CCDC6: variants seen among roughly 807,000 people sequenced by gnomAD.
CCDC6 encodes coiled-coil domain-containing protein 6.
In CCDC6, 20 loss-of-function variants were observed where a neutral mutation model predicts 56.6. The ratio of observed to expected loss-of-function variants is 0.35; its 90% CI spans 0.25 to 0.51. The LOEUF is 0.51. Ranked by LOEUF, CCDC6 falls within the 20% of genes least tolerant of loss-of-function variation. The pLI, the probability that CCDC6 is intolerant of heterozygous loss-of-function variation, is 0.95. For missense variants in CCDC6, 367 were observed against 601.1 expected, an observed-to-expected ratio of 0.61 and a Z score of 4.07; for synonymous variants, 241 against 234.4, an observed-to-expected ratio of 1.03 and a Z score of -0.26.
At chr10:59,829,430 G>A (rs1053341303) in intron 3 of CCDC6, among the ~76,000 whole-genome samples, 4 of 152,140 alleles carry the variant, frequency 2.6e-5, no homozygotes, top group Admixed American at 2.0e-4. Flanking sequence ...ATATGACTAA[G>A]AAAAATGAAA....
intron 1 of CCDC6, among the ~76,000 whole-genome samples, chr10:59,872,952 C>G (rs950956025): frequency 2.6e-5 from 4 of 152,178 alleles, no homozygotes; most frequent in African/African-American, 9.7e-5. Context: ...AAACCGAAAG[C>G]TACATTTGGC....
Position 59,891,128 on chromosome 10 carries a change from C to T in CCDC6, c.303+14994G>A, listed in dbSNP as rs1232737954. Among the ~76,000 whole-genome samples the T allele has an allele frequency of 3.9e-5, 6 of 152,236 alleles. No homozygotes were observed. The South Asian group carries it at 1.2e-3, about 32-fold the overall frequency. ...AATAATTTTCTAGTATATATAGGTG[C>T]CATGCAACATGTGGGACATATGTAT... On this transcript the variant is annotated intron_variant, in intron 1 of 8. Transcript: ENST00000263102.
At position 59,882,481 on chromosome 10, in the gene CCDC6, GAAGGAAAGGAAAGCCGGGGGGAGAAGGA is replaced by G. The variant is rs1156710729; in HGVS notation, c.303+23613_303+23640del. 3.2e-3 allele frequency among the ~76,000 whole-genome samples: 242 copies of G among 74,832 alleles called. 5 individuals are homozygous for G. The highest frequency in any genetic ancestry group is 8.2e-3 in the Middle Eastern group (1 of 122). 49.1% of individuals were successfully genotyped at this position (74,832 alleles called of 152,430 possible). The stretch of plus-strand genomic sequence containing the variant: ...GAGAAGGAAAGGAAAGCCAGGGGGA[GAAGGAAAGGAAAGCCGGGGGGAGAAGGA>G]AAGGAAAGCCAGGGGGAGAAGGAAA... On this transcript the variant is annotated intron_variant, in intron 1 of 8. Transcript: ENST00000263102.
chr10:59,873,426 A>C (rs1664262), intron 1 of CCDC6, among the ~76,000 whole-genome samples: 115,545 of 151,996 alleles, frequency 0.76, 44,170 homozygotes, highest in East Asian at 0.89. Context: ...ACGCCTGGAG[A>C]TACTAGAAAC....
intron 1 of CCDC6, among the ~76,000 whole-genome samples, chr10:59,876,073 C>CTTTCTTTTTTTTT (rs2071277224): frequency 1.0e-5 from 1 of 97,586 alleles, no homozygotes; most frequent in African/African-American, 4.1e-5. Flanking sequence ...GCACAGATGT[C>CTTTCTTTTTTTTT]TTTTTTTTTT....
chr10:59,809,832 C>T (rs146832318), intron 5 of CCDC6, among the ~76,000 whole-genome samples: 1 of 152,286 alleles, frequency 6.6e-6, no homozygotes, highest in Non-Finnish European at 1.5e-5. Context: ...AGTTGTTTCA[C>T]TTAAAGTCTC....
chr10:59,837,024 T>C (rs1405932828), intron 2 of CCDC6, among the ~76,000 whole-genome samples: 1 of 152,236 alleles, frequency 6.6e-6, no homozygotes, highest in African/African-American at 2.4e-5. Flanking sequence ...TCCAGCCCAA[T>C]GAAATACACA....
intron 3 of CCDC6, among the ~76,000 whole-genome samples, chr10:59,831,484 T>C (rs1316526542): frequency 2.0e-5 from 3 of 152,156 alleles, no homozygotes; most frequent in East Asian, 3.8e-4. Context: ...GAGTGACTGA[T>C]GGAATGAGTT....
At chr10:59,837,217 T>G (rs538972581) in intron 2 of CCDC6, among the ~76,000 whole-genome samples, 1 of 152,338 alleles carries the variant, frequency 6.6e-6, no homozygotes, top group South Asian at 2.1e-4. Context: ...TTCTAGCAGG[T>G]AGAGGCATTG....
intron 1 of CCDC6, among the ~76,000 whole-genome samples, chr10:59,858,008 T>C (rs1442497816): frequency 1.3e-5 from 2 of 152,194 alleles, no homozygotes; most frequent in Non-Finnish European, 2.9e-5. Flanking sequence ...TTTAGCAGAA[T>C]CCCTCATGAC....
intron 7 of CCDC6, among the ~76,000 whole-genome samples, chr10:59,797,479 G>A (rs533336341): frequency 6.7e-6 from 1 of 149,106 alleles, no homozygotes; most frequent in Non-Finnish European, 1.5e-5. Flanking sequence ...AGAAAATCGA[G>A]CAAAGGAGTA....
intron 7 of CCDC6, among the ~76,000 whole-genome samples, chr10:59,797,203 A>G (rs894881898): frequency 5.3e-5 from 8 of 152,116 alleles, no homozygotes; most frequent in Admixed American, 3.9e-4. Context: ...TAAATAGCCA[A>G]TCTCATAGAC....
intron 1 of CCDC6, among the ~76,000 whole-genome samples, chr10:59,853,939 G>T (rs1385991293): frequency 2.0e-5 from 3 of 152,126 alleles, no homozygotes; most frequent in Admixed American, 2.0e-4. Context: ...ATCTTTGAAG[G>T]AAATTAATCT....
At chr10:59,814,295 T>C (rs1435470928) in intron 4 of CCDC6, among the ~76,000 whole-genome samples, 1 of 152,214 alleles carries the variant, frequency 6.6e-6, no homozygotes, top group Non-Finnish European at 1.5e-5. Context: ...CAGTATACCC[T>C]ATGTACTTTA....
chr10:59,802,290 C>T (rs1312173377), intron 7 of CCDC6, among the ~76,000 whole-genome samples: 2 of 152,224 alleles, frequency 1.3e-5, no homozygotes, highest in East Asian at 1.9e-4. Flanking sequence ...AGTGAAAACA[C>T]AAGATTTCCA....
chr10:59,864,114 G>A (rs2071157497), intron 1 of CCDC6, among the ~76,000 whole-genome samples: 1 of 152,148 alleles, frequency 6.6e-6, no homozygotes, highest in Non-Finnish European at 1.5e-5. Flanking sequence ...TGATGTAACT[G>A]AATTCTGCTA....
At chr10:59,800,619 T>TC (rs922322965) in intron 7 of CCDC6, among the ~76,000 whole-genome samples, 1 of 151,988 alleles carries the variant, frequency 6.6e-6, no homozygotes, top group Non-Finnish European at 1.5e-5. Context: ...AAAGTTTTTT[T>TC]TTTTTTTTAA....
intron 1 of CCDC6, among the ~76,000 whole-genome samples, chr10:59,874,591 T>G (rs1413011266): frequency 6.6e-6 from 1 of 152,208 alleles, no homozygotes; most frequent in African/African-American, 2.4e-5. Context: ...ATGAAAATGT[T>G]ACTTACATGC....
chr10:59,862,403 G>A (rs781338100), intron 1 of CCDC6, among the ~76,000 whole-genome samples: 2 of 150,932 alleles, frequency 1.3e-5, no homozygotes, highest in Non-Finnish European at 2.9e-5. Flanking sequence ...CATAAGAATC[G>A]CTTGAACCCA....
Sources: allele counts gnomAD v4.1 joint callset (sites outside exome capture counted in the v4.1 genomes callset), GRCh38; gene constraint gnomAD v4.1.1; transcripts MANE v1.5; gene names NCBI Gene and HGNC (gene_info 2026-07-23, HGNC 2026-07-21).